Variants in GOT1 observed in about 807,000 individuals in gnomAD.
The protein encoded by GOT1 is aspartate aminotransferase, cytoplasmic.
Under a neutral mutation model 48.2 loss-of-function variants are expected in GOT1, and 25 were observed. That is an observed-to-expected ratio of 0.52 (90% CI 0.38 to 0.72). The LOEUF (loss-of-function observed/expected upper bound fraction) is 0.72, where lower values mean the gene tolerates loss of function less well. GOT1 is among the 30% of genes least tolerant of loss of function. The probability of loss-of-function intolerance (pLI) is 0.00; values close to 1 mark genes in which losing one functional copy is unlikely to be tolerated. For synonymous variants in GOT1, 188 were observed against 193.8 expected (o/e 0.97, Z 0.25); for missense variants, 380 against 520.1 (o/e 0.73, Z 2.62).
At chr10:99,427,809 C>CA (rs2033060838) in intron 1 of GOT1, among the ~76,000 whole-genome samples, 1 of 152,192 alleles carries the variant, frequency 6.6e-6, no homozygotes, top group Non-Finnish European at 1.5e-5. Flanking sequence ...CCTGGATTCC[C>CA]AGCTCTACCA....
In GOT1 at chr10:99,403,767, C is replaced by G; in HGVS notation, c.750G>C (p.Glu250Asp). Residue 250 changes from glutamate to aspartate, a missense_variant, in exon 6 of 9, where the codon GAG becomes GAC. By Grantham distance (45) the Glu-to-Asp change is conservative. Transcript: ENST00000370508. ...AIRYFVSEGF[E>D]FFCAQSFSKN... ...TGGAGAAGGACTGGGCACAGAAGAA[C>G]TCGAAGCCTTCAGACACAAAATAGC... 1 of 1,614,238 alleles carries G rather than the reference C, an allele frequency of 6.2e-7. No homozygotes were observed. The highest frequency in any genetic ancestry group is 1.1e-5 in the South Asian group (1 of 91,088).
At chr10:99,400,798 G>A (rs1410440607) in intron 8 of GOT1, among the ~76,000 whole-genome samples, 2 of 152,060 alleles carry the variant, frequency 1.3e-5, no homozygotes, top group Non-Finnish European at 2.9e-5. Context: ...AAAATTAGCT[G>A]GGTGTGGTGG....
intron 8 of GOT1, among the ~76,000 whole-genome samples, chr10:99,399,425 A>G (rs146728159): frequency 3.0e-4 from 46 of 152,248 alleles, no homozygotes; most frequent in Admixed American, 5.9e-4. Context: ...AGCATCAATC[A>G]TCTGGCCATT....
chr10:99,398,561 T>C (rs1354866140), intron 8 of GOT1, among the ~76,000 whole-genome samples: 1 of 151,838 alleles, frequency 6.6e-6, no homozygotes, highest in Admixed American at 6.6e-5. Flanking sequence ...TCCCAGCTAC[T>C]CAGGAGGCTG....
chr10:99,425,329 G>A (rs933413484), intron 1 of GOT1, among the ~76,000 whole-genome samples: 6 of 152,328 alleles, frequency 3.9e-5, no homozygotes, highest in Admixed American at 1.3e-4. Context: ...GAATCCTGGA[G>A]TCTCTTTTAG....
In GOT1 at chr10:99,403,483, C is replaced by G. The variant is rs776770969; in HGVS notation, c.945G>C (p.Glu315Asp). The change falls in exon 7 of 9, where the codon GAG becomes GAC. Residue 315 changes from glutamate to aspartate, a missense_variant. Glu to Asp is a conservative substitution (Grantham distance 45). Coordinates refer to ENST00000370508, the MANE Select transcript of GOT1 (RefSeq NM_002079.3). ...GAGCCCCTTACCATTCCTCAAAGAG[C>G]TCAGGGTTAGAGAGGGTGCTGGCCA... is the stretch of plus-strand genomic sequence containing the variant. ...RIVASTLSNP[E>D]LFEEWTGNVK... is the part of the protein sequence containing the mutation. 14 of 1,613,480 alleles carry G rather than the reference C, an allele frequency of 8.7e-6. No individual in the cohort carries two copies. The South Asian group carries it at 1.5e-4, about 18-fold the overall frequency.
At chr10:99,426,072 G>A (rs1228077302) in intron 1 of GOT1, among the ~76,000 whole-genome samples, 1 of 152,080 alleles carries the variant, frequency 6.6e-6, no homozygotes, top group East Asian at 1.9e-4. Flanking sequence ...ATTTGCCCAG[G>A]ATCACAGAGA....
intron 2 of GOT1, among the ~76,000 whole-genome samples, chr10:99,414,459 A>G (rs977124606): frequency 6.6e-6 from 1 of 152,180 alleles, no homozygotes; most frequent in Non-Finnish European, 1.5e-5. Flanking sequence ...AGGGACCTAC[A>G]AAGGGACTGA....
chr10:99,408,099 T>C (rs1275976294), intron 2 of GOT1, among the ~76,000 whole-genome samples: 1 of 152,122 alleles, frequency 6.6e-6, no homozygotes, highest in Non-Finnish European at 1.5e-5. Context: ...ATTTACAAAA[T>C]GCTTTCATGT....
At position 99,422,944 on chromosome 10, in the gene GOT1, G is replaced by C. The variant is rs564979434; in HGVS notation, c.119-2139C>G. Among the ~76,000 whole-genome samples the C allele has an allele frequency of 1.5e-3, 226 of 152,344 alleles. 3 individuals carry two copies. The highest frequency in any genetic ancestry group is 0.01 in the Middle Eastern group (3 of 294). ...CTTTGGCTATTAAAACAATACTTCA[G>C]TGAACGACCCTGTACATACGTCATC... On this transcript the variant is annotated intron_variant, in intron 1 of 8. Transcript: ENST00000370508.
intron 5 of GOT1, among the ~76,000 whole-genome samples, chr10:99,404,422 T>C (rs577038353): frequency 1.9e-4 from 29 of 152,186 alleles, no homozygotes; most frequent in Non-Finnish European, 4.0e-4. Flanking sequence ...CTCTTAGGTT[T>C]ATCTTGACTA....
rs778400032 is a variant in GOT1, at chr10:99,430,590, T to C, written c.-25A>G. On this transcript the variant is annotated 5_prime_UTR_variant, in exon 1 of 9. Transcript: ENST00000370508. ...TATCGAGAGACTAGGAATCAAGAGATTTCACCCCACGCCCGGAGCTGGCAG... is the reference window on the plus strand; with the variant it reads ...TATCGAGAGACTAGGAATCAAGAGACTTCACCCCACGCCCGGAGCTGGCAG... 89 of 1,550,574 alleles carry C rather than the reference T, an allele frequency of 5.7e-5. No individual in the cohort carries two copies. The highest frequency in any genetic ancestry group is 7.7e-5 in the Non-Finnish European group (88 of 1,139,942).
Position 99,397,957 on chromosome 10 carries a change from C to T in GOT1, c.1103-271G>A, listed in dbSNP as rs917891234. Among the ~76,000 whole-genome samples, 2 of 152,178 alleles carry T rather than the reference C, an allele frequency of 1.3e-5. No individual in the cohort carries two copies. The highest frequency in any genetic ancestry group is 4.8e-5 in the African/African-American group (2 of 41,436). On this transcript the variant is annotated intron_variant, in intron 8 of 8. Transcript: ENST00000370508. The surrounding 1 kb of genome is among the most constrained non-coding windows in gnomAD (Gnocchi z 5.4). ...AATCTGAGATTGCCTTCCAACCAAG[C>T]CTTATACATTATATCCACCAGGACA...
At chr10:99,428,353 G>GT (rs551770823) in intron 1 of GOT1, among the ~76,000 whole-genome samples, 8,260 of 146,620 alleles carry the variant, frequency 0.056, 277 homozygotes, top group African/African-American at 0.087. Flanking sequence ...GTGGTTTTTT[G>GT]TTTTTTTTTT....
intron 8 of GOT1, among the ~76,000 whole-genome samples, chr10:99,398,172 T>C (rs1030027814): frequency 1.3e-5 from 2 of 152,182 alleles, no homozygotes; most frequent in Non-Finnish European, 2.9e-5. Flanking sequence ...CTGTGTGAAT[T>C]AACCAATGAG....
chr10:99,406,049 G>A (rs899277206), intron 4 of GOT1, 88 bp downstream of exon 4: 3 of 914,590 alleles, frequency 3.3e-6, no homozygotes, highest in African/African-American at 3.3e-5. Context: ...AGGTGTCTCA[G>A]ACTCCTTCAC....
At position 99,424,738 on chromosome 10, in the gene GOT1, T is replaced by TA. The variant is rs927281424; in HGVS notation, c.119-3934dup. Among the ~76,000 whole-genome samples, 9 of 151,326 alleles carry TA rather than the reference T, an allele frequency of 5.9e-5. 1 individual carries two copies. The highest frequency in any genetic ancestry group is 2.0e-4 in the Admixed American group (3 of 15,184). On this transcript the variant is annotated intron_variant, in intron 1 of 8. Transcript: ENST00000370508. The stretch of plus-strand genomic sequence containing the variant: ...AGAGGCATTGTGTCTATACTGTGAC[T>TA]AAAAAAAAACTGGCCAATTTACAAC...
chr10:99,420,897 T>C (rs2032957587), intron 1 of GOT1, 92 bp from the exon 2 acceptor site: 1 of 1,034,900 alleles, frequency 9.7e-7, no homozygotes, highest in Admixed American at 2.2e-5. Flanking sequence ...TCCCACCACC[T>C]TCCGGTCAAA....
intron 8 of GOT1, among the ~76,000 whole-genome samples, chr10:99,400,802 G>C (rs925286356): frequency 6.6e-6 from 1 of 152,174 alleles, no homozygotes; most frequent in Admixed American, 6.6e-5. Context: ...TTAGCTGGGT[G>C]TGGTGGCTCA....
Sources: allele counts gnomAD v4.1 joint callset (sites outside exome capture counted in the v4.1 genomes callset), GRCh38; gene constraint gnomAD v4.1.1; non-coding constraint Gnocchi (gnomAD v3.1); transcripts MANE v1.5; gene names NCBI Gene and HGNC (gene_info 2026-07-23, HGNC 2026-07-21).